MUC5B: variants seen among roughly 807,000 people sequenced by gnomAD.
MUC5B encodes mucin 5B, oligomeric mucus/gel-forming, also known as mucin-5B.
MUC5B carries 116 observed loss-of-function variants against 376.9 expected under a neutral mutation model. That is an observed-to-expected ratio of 0.31 (90% CI 0.26 to 0.36). The LOEUF is 0.36. Ranked by LOEUF, MUC5B falls within the 10% of genes least tolerant of loss-of-function variation. The pLI, the probability that MUC5B is intolerant of heterozygous loss-of-function variation, is 1.00. For missense variants in MUC5B, 7,165 were observed against 7,769.9 expected (o/e 0.92, Z 2.93); for synonymous variants, 3,517 against 3,390.9 (o/e 1.04, Z -1.29).
chr11:1,230,534 G>T lies in MUC5B; in HGVS notation c.1404G>T (p.Lys468Asn). 6.2e-7 allele frequency: 1 copy of T among 1,611,692 alleles called. No individual in the cohort carries two copies. Among genetic ancestry groups the T allele is most frequent in the Non-Finnish European group, 8.5e-7 (1 of 1,179,224 alleles). The change falls in exon 12 of 49, where the codon AAG (lysine) becomes AAT (asparagine). Residue 468 changes from lysine (K) to asparagine (N), a missense_variant. Transcript: ENST00000529681. Reference sequence around the variant, plus strand: ...TCACCGTGCTGGCTGAGCTGCGGAAGTGCGGCCTGACGGACAACGAGAACT... The same window carrying T: ...TCACCGTGCTGGCTGAGCTGCGGAATTGCGGCCTGACGGACAACGAGAACT... ...SSFTVLAELR[K>N]CGLTDNENCL...
At chr11:1,260,264 C>CT in intron 46 of MUC5B, 87 bp from the exon 47 acceptor site, 3 of 1,469,866 alleles carry the variant, frequency 2.0e-6, no homozygotes, top group Non-Finnish European at 1.9e-6. Flanking sequence ...GGCCATGCCC[C>CT]TGCCCGGGTG....
rs767981994 is a variant in MUC5B at position 1,251,235 on chromosome 11, G to A, written c.14355G>A (p.Glu4785=). The A allele has an allele frequency of 2.5e-5, 40 of 1,610,968 alleles. 2 individuals carry two copies. Among genetic ancestry groups the A allele is most frequent in the Non-Finnish European group, 3.4e-5 (40 of 1,178,218 alleles). Residue 4785 remains glutamate (E), a synonymous_variant, in exon 31 of 49, where the codon GAG becomes GAA. Transcript: ENST00000529681. ...MSTIHTSSTP[E]TTHTSTVLTT... ...CAATCCACACCTCCTCTACTCCAGA[G>A]ACCACCCACACCTCCACAGTGCTGA...
At chr11:1,259,203 T>C (rs551426349) in intron 44 of MUC5B, 142 bp downstream of exon 44, 114 of 707,240 alleles carry the variant, frequency 1.6e-4, no homozygotes, top group Middle Eastern at 4.4e-4. Context: ...GGTGAGTCCC[T>C]GAGGCACTTG....
intron 30 of MUC5B, 89 bp downstream of exon 30, chr11:1,240,464 T>A: frequency 8.1e-7 from 1 of 1,239,188 alleles, no homozygotes; most frequent in Non-Finnish European, 1.1e-6. Flanking sequence ...CCCTGTATGG[T>A]AGCGACAGTC....
intron 4 of MUC5B, 51 bp from the exon 5 acceptor site, chr11:1,226,980 G>GGGGGC: frequency 3.8e-6 from 3 of 796,748 alleles, no homozygotes; most frequent in Non-Finnish European, 6.1e-6. Context: ...GGTTGGGTGG[G>GGGGGC]CAGGCAGCCA....
Position 1,243,458 on chromosome 11 carries a change from C to A in MUC5B, c.6578C>A (p.Thr2193Asn), listed in dbSNP as rs778404599. The A allele has an allele frequency of 6.7e-7, 1 of 1,484,170 alleles. No individual in the cohort carries two copies. Among genetic ancestry groups the A allele is most frequent in the African/African-American group, 1.4e-5 (1 of 69,942 alleles). 91.9% of individuals were successfully genotyped at this position (1,484,170 alleles called of 1,614,324 possible). A position where few individuals can be genotyped will look rare whatever the true frequency, so the allele number is the denominator to read the frequency against. Reference protein sequence around the residue: ...GTTHTPPVPNTMATTHGRSLP... With the variant: ...GTTHTPPVPNNMATTHGRSLP... ...ACCCACACACCCCCAGTGCCGAACA[C>A]CATGGCCACCACACACGGGCGATCC... The change falls in exon 31 of 49, where the codon ACC becomes AAC. Residue 2193 changes from threonine (T) to asparagine (N), a missense_variant. Physicochemically the swap from Thr to Asn is moderately conservative, Grantham distance 65. This residue lies in a region of MUC5B where 67 missense variants were observed against 103.0 expected (regional missense o/e 0.65). Transcript: ENST00000529681.
chr11:1,229,161 T>G lies in MUC5B; in HGVS notation c.977-9T>G. On this transcript the variant is annotated splice_polypyrimidine_tract_variant and intron_variant, in intron 8 of 48. Transcript: ENST00000529681. ...TTCCCCTGGCCCAGCCCCACCTCCT[T>G]TTGCGCAGCCCGGACCTGCCCCCTC... 1.3e-6 allele frequency: 2 copies of G among 1,580,696 alleles called. No individual in the cohort carries two copies. Among genetic ancestry groups the G allele is most frequent in the South Asian group, 2.3e-5 (2 of 87,156 alleles).
rs1165151744 is a variant in MUC5B at position 1,253,410 on chromosome 11, G to A, written c.15217+430G>A. 2.0e-5 allele frequency among the ~76,000 whole-genome samples: 3 copies of A among 152,078 alleles called. No homozygotes were observed. The highest frequency in any genetic ancestry group is 4.4e-5 in the Non-Finnish European group (3 of 68,002). ...GCCAGGAGAAGCTCAGGATGGAAGC[G>A]GGAGCCCAGAGGAGCTTTTGTCTCC... is the stretch of plus-strand genomic sequence containing the variant. On this transcript the variant is annotated intron_variant, in intron 33 of 48. Transcript: ENST00000529681. The surrounding 1 kb of genome is among the most constrained non-coding windows in gnomAD (Gnocchi z 4.3).
At position 1,227,118 on chromosome 11, in the gene MUC5B, C is replaced by A. The variant is rs550662371; in HGVS notation, c.549C>A (p.Phe183Leu). ...TCAGCATCCGGCTGGTGCTGACATTCCTGTGGAACGGAGAGGACAGTGCCC... is the reference window on the plus strand; with the variant it reads ...TCAGCATCCGGCTGGTGCTGACATTACTGTGGAACGGAGAGGACAGTGCCC... Reference protein sequence around the residue: ...IKVSIRLVLTFLWNGEDSALL... With the variant: ...IKVSIRLVLTLLWNGEDSALL... The change falls in exon 5 of 49, where the codon TTC becomes TTA. Residue 183 changes from phenylalanine to leucine, a missense_variant. Phe to Leu is a conservative substitution (Grantham distance 22). Around this residue, in one of 31 missense-constraint regions of MUC5B, gnomAD observed 640 missense variants for 733.0 expected, o/e 0.87. Transcript: ENST00000529681. The A allele has an allele frequency of 6.2e-7, 1 of 1,612,410 alleles. No individual in the cohort carries two copies. The highest frequency in any genetic ancestry group is 1.3e-5 in the African/African-American group (1 of 75,060).
In MUC5B at chr11:1,244,109, A is replaced by G. The variant is rs200877179; in HGVS notation, c.7229A>G (p.Asn2410Ser). 10,478 of 1,570,074 alleles carry G rather than the reference A, an allele frequency of 6.7e-3. 1 individual carries two copies. Among genetic ancestry groups the G allele is most frequent in the Non-Finnish European group, 5.9e-3 (6,792 of 1,145,826 alleles). The change falls in exon 31 of 49, where the codon AAC becomes AGC. Residue 2410 changes from asparagine (N) to serine (S), a missense_variant. By Grantham distance (46) the Asn-to-Ser change is conservative. Coordinates refer to ENST00000529681, the MANE Select transcript of MUC5B (RefSeq NM_002458.3). Reference sequence around the variant, plus strand: ...TATGAAATCCGTGTGTTCTGCTGCAACTACGGCCACTGCCCCAGCACCCCG... The same window carrying G: ...TATGAAATCCGTGTGTTCTGCTGCAGCTACGGCCACTGCCCCAGCACCCCG... ...FNYEIRVFCC[N>S]YGHCPSTPAT...
At position 1,258,069 on chromosome 11, in the gene MUC5B, G is replaced by A. The variant is rs931639075; in HGVS notation, c.16451-30G>A. ...GTGGTCGGGAGGAGGAGTGAGCAGC[G>A]CCCAGACAGTGGCCTCCATCCTCCC... On this transcript the variant is annotated intron_variant, in intron 41 of 48. Transcript: ENST00000529681. This position sits in a 1 kb window ranked among gnomAD's most constrained non-coding sequence, Gnocchi z 5.5. 17 of 1,541,820 alleles carry A rather than the reference G, an allele frequency of 1.1e-5. No homozygotes were observed. The Admixed American group carries it at 1.9e-4, about 18-fold the overall frequency.
At position 1,226,117 on chromosome 11, in the gene MUC5B, TGGCTGGCGAGGA is replaced by T. The variant is rs1337059480; in HGVS notation, c.128-85_128-74del. The T allele has an allele frequency of 6.6e-5, 89 of 1,346,128 alleles. 1 individual carries two copies. The allele number at this position is 1,346,128 out of a possible 1,614,324, so 83.4% of individuals were successfully genotyped here. On this transcript the variant is annotated intron_variant, in intron 2 of 48. Transcript: ENST00000529681. Reference sequence around the variant, plus strand: ...GTTTTGGGCTCCCCTTCAACTCTGGTGGCTGGCGAGGAGGGTGGGCCCCGGGGAGGGTGTCTC... The same window carrying T: ...GTTTTGGGCTCCCCTTCAACTCTGGTGGGTGGGCCCCGGGGAGGGTGTCTC...
Position 1,232,789 on chromosome 11 carries a change from G to C in MUC5B, c.2065+19G>C, listed in dbSNP as rs780348731. On this transcript the variant is annotated intron_variant, in intron 17 of 48. Transcript: ENST00000529681. ...GTCTGCAGTGAGTGCCCACGCTGGG[G>C]GTGGGATGTGTCCACACCGCGTGGG... The C allele has an allele frequency of 1.9e-6, 3 of 1,579,912 alleles. No homozygotes were observed. The highest frequency in any genetic ancestry group is 2.3e-5 in the East Asian group (1 of 44,048).
chr11:1,243,003 C>T lies in MUC5B; in HGVS notation c.6123C>T (p.Ser2041=). ...CCGGCTCTGTGGCCACCCCCTCCTC[C>T]ACCCCAGGAACAGCTCACACTACCA... The part of the protein sequence containing the change: ...GATGSVATPS[S]TPGTAHTTKV... Residue 2041 remains serine (S), a synonymous_variant, in exon 31 of 49, where the codon TCC becomes TCT. Coordinates refer to ENST00000529681, the MANE Select transcript of MUC5B (RefSeq NM_002458.3). 6.2e-7 allele frequency: 1 copy of T among 1,613,064 alleles called. No individual in the cohort carries two copies.
intron 19 of MUC5B, 24 bp downstream of exon 19, chr11:1,233,872 C>G (rs1564934431): frequency 1.3e-6 from 2 of 1,568,946 alleles, no homozygotes; most frequent in South Asian, 2.3e-5. Context: ...CTGCCCTGCC[C>G]TGCCCTGCCC....
In MUC5B at chr11:1,233,007, C is replaced by A; in HGVS notation, c.2066-6C>A. On this transcript the variant is annotated splice_region_variant and splice_polypyrimidine_tract_variant and intron_variant, in intron 17 of 48. Coordinates refer to ENST00000529681, the MANE Select transcript of MUC5B (RefSeq NM_002458.3). ...GACCTGTCCCCCCTGGCCCCACCGACCACAGCCAAGTACATGCAGAACTGC... is the reference window on the plus strand; with the variant it reads ...GACCTGTCCCCCCTGGCCCCACCGAACACAGCCAAGTACATGCAGAACTGC... 1 of 1,576,088 alleles carries A rather than the reference C, an allele frequency of 6.3e-7. No individual in the cohort carries two copies. Among genetic ancestry groups the A allele is most frequent in the South Asian group, 1.1e-5 (1 of 87,778 alleles).
At position 1,254,274 on chromosome 11, in the gene MUC5B, C is replaced by G. The variant is rs1452783636; in HGVS notation, c.15400C>G (p.Arg5134Gly). 6.2e-7 allele frequency: 1 copy of G among 1,611,692 alleles called. No individual in the cohort carries two copies. The highest frequency in any genetic ancestry group is 2.2e-5 in the East Asian group (1 of 44,886). ...CACTGCCGCTGCCGCCCGCTGCCCC[C>G]GCGCCCTCAGCATCCACTACAAGTC... ...SATAAAARCP[R>G]ALSIHYKSMD... The change falls in exon 34 of 49, where the codon CGC becomes GGC. Residue 5134 changes from arginine to glycine, a missense_variant. By Grantham distance (125) the Arg-to-Gly change is moderately radical. Around this residue, in one of 31 missense-constraint regions of MUC5B, gnomAD observed 842 missense variants for 1,016.9 expected, o/e 0.83. Coordinates refer to ENST00000529681, the MANE Select transcript of MUC5B (RefSeq NM_002458.3).
rs1414199853 is a variant in MUC5B, at chr11:1,242,863, C to A, written c.5983C>A (p.Leu1995Ile). 1 of 1,613,390 alleles carries A rather than the reference C, an allele frequency of 6.2e-7. No individual in the cohort carries two copies. The highest frequency in any genetic ancestry group is 8.5e-7 in the Non-Finnish European group (1 of 1,179,694). The change falls in exon 31 of 49, where the codon CTA becomes ATA. Residue 1995 changes from leucine (L) to isoleucine (I), a missense_variant. By Grantham distance (5) the Leu-to-Ile change is conservative. Transcript: ENST00000529681. ...CTCCCTGGGCACCACCTGGACCCGCCTATCACAGACCACCACACCCACGGC... is the reference window on the plus strand; with the variant it reads ...CTCCCTGGGCACCACCTGGACCCGCATATCACAGACCACCACACCCACGGC... Reference protein sequence around the residue: ...SSSLGTTWTRLSQTTTPTATM... With the variant: ...SSSLGTTWTRISQTTTPTATM...
chr11:1,251,170 G>C lies in MUC5B; in HGVS notation c.14290G>C (p.Val4764Leu), dbSNP rs778650701. 5 of 1,609,184 alleles carry C rather than the reference G, an allele frequency of 3.1e-6. No homozygotes were observed. The highest frequency in any genetic ancestry group is 2.2e-5 in the East Asian group (1 of 44,658). Residue 4764 changes from valine to leucine, a missense_variant, in exon 31 of 49, where the codon GTC becomes CTC. This residue lies in a region of MUC5B where 730 missense variants were observed against 592.7 expected (regional missense o/e 1.23). Coordinates refer to ENST00000529681, the MANE Select transcript of MUC5B (RefSeq NM_002458.3). ...CTCCACCCTGTGGACCACGTGGACC[G>C]TCCCAGCACAGACCACCACACCCAT... ...PSSTLWTTWT[V>L]PAQTTTPMST...
Sources: gnomAD v4.1 joint callset for allele counts (sites outside exome capture counted in the v4.1 genomes callset) on GRCh38, gnomAD v4.1.1 for gene constraint, gnomAD v4.1.1 regional missense constraint, Gnocchi (gnomAD v3.1) non-coding constraint, MANE v1.5 for transcripts, NCBI Gene and HGNC (gene_info 2026-07-23, HGNC 2026-07-21) for gene names.